DACH2: variants seen among roughly 807,000 people sequenced by gnomAD.
DACH2 encodes dachshund homolog 2.
In DACH2, 17 loss-of-function variants were observed where a neutral mutation model predicts 35.8. The ratio of observed to expected loss-of-function variants is 0.48; its 90% CI spans 0.33 to 0.71. The LOEUF is 0.71. Among genes scored for constraint, DACH2 ranks in the 30% least tolerant of loss-of-function variants. DACH2 has a pLI of 0.02. For missense variants in DACH2, 469 were observed against 472.7 expected, an observed-to-expected ratio of 0.99 and a Z score of 0.07; for synonymous variants, 195 against 177.3, an observed-to-expected ratio of 1.10 and a Z score of -0.79.
At chrX:86,384,021 T>C (rs2036087423) in intron 2 of DACH2, among the ~76,000 whole-genome samples, 1 of 111,391 alleles carries the variant, frequency 9.0e-6, no homozygotes, top group Non-Finnish European at 1.9e-5. Flanking sequence ...AGGATACTTA[T>C]CTGAATGTTC....
At position 86,272,064 on chromosome X, in the gene DACH2, T is replaced by G. The variant is rs911639775; in HGVS notation, c.489-104760T>G. The stretch of plus-strand genomic sequence containing the variant: ...TGTTTACACATTATTTAGCTCTCAC[T>G]TATGTGAGAACATGTGGTATTTGAC... On this transcript the variant is annotated intron_variant, in intron 1 of 11. Transcript: ENST00000373125. Among the ~76,000 whole-genome samples the G allele has an allele frequency of 5.4e-5, 6 of 111,715 alleles. No individual in the cohort carries two copies. The East Asian group carries it at 1.4e-3, about 26-fold the overall frequency.
intron 3 of DACH2, among the ~76,000 whole-genome samples, chrX:86,526,692 A>C (rs2038638182): frequency 1.8e-5 from 2 of 110,623 alleles, no homozygotes; most frequent in African/African-American, 3.3e-5. Context: ...CTTTTAATGT[A>C]TACCTGAAAG....
intron 5 of DACH2, among the ~76,000 whole-genome samples, chrX:86,711,142 G>A (rs922825485): frequency 1.8e-5 from 2 of 111,900 alleles, no homozygotes; most frequent in Admixed American, 9.5e-5. Context: ...TTGGGAGACC[G>A]AGGCAGGCAG....
intron 2 of DACH2, among the ~76,000 whole-genome samples, chrX:86,385,781 T>G (rs1002739584): frequency 1.8e-5 from 2 of 111,937 alleles, no homozygotes; most frequent in African/African-American, 6.5e-5. Context: ...ATTTTGGAAC[T>G]AAATTAGATA....
intron 4 of DACH2, among the ~76,000 whole-genome samples, chrX:86,687,985 TA>T (rs1341996771): frequency 9.0e-6 from 1 of 110,577 alleles, no homozygotes; most frequent in Non-Finnish European, 1.9e-5. Flanking sequence ...GGCAAGTGTA[TA>T]CCTATGTAAC....
At chrX:86,740,898 T>C (rs1016730277) in intron 7 of DACH2, among the ~76,000 whole-genome samples, 8 of 111,350 alleles carry the variant, frequency 7.2e-5, no homozygotes, top group African/African-American at 2.6e-4. Flanking sequence ...TTTCCTTCTA[T>C]ATAATTCTAC....
chrX:86,777,803 C>A (rs757552393), intron 7 of DACH2, among the ~76,000 whole-genome samples: 1 of 111,356 alleles, frequency 9.0e-6, no homozygotes, highest in South Asian at 3.7e-4. Flanking sequence ...ATTCCTTTGA[C>A]TGTATAAACT....
chrX:86,380,677 T>C (rs1192209724), intron 2 of DACH2, among the ~76,000 whole-genome samples: 12 of 110,494 alleles, frequency 1.1e-4, no homozygotes, highest in African/African-American at 3.6e-4. Context: ...ACATTAATAT[T>C]ATGACTAACA....
chrX:86,670,560 C>A (rs2040752818), intron 4 of DACH2, among the ~76,000 whole-genome samples: 1 of 111,773 alleles, frequency 8.9e-6, no homozygotes, highest in South Asian at 3.7e-4. Context: ...TAATGCTGTT[C>A]CCAACCTAAG....
At chrX:86,652,704 T>C (rs1420178801) in intron 4 of DACH2, among the ~76,000 whole-genome samples, 1 of 112,305 alleles carries the variant, frequency 8.9e-6, no homozygotes, top group Admixed American at 9.4e-5. Flanking sequence ...TCAATGGTGT[T>C]GAGCTTTTTT....
chrX:86,509,172 G>C (rs908213924), intron 2 of DACH2, among the ~76,000 whole-genome samples: 6 of 111,105 alleles, frequency 5.4e-5, no homozygotes, highest in Non-Finnish European at 7.5e-5. Context: ...GCTTAAGTTT[G>C]GGATATGCGT....
At chrX:86,765,477 A>G (rs1049516080) in intron 7 of DACH2, among the ~76,000 whole-genome samples, 2 of 110,816 alleles carry the variant, frequency 1.8e-5, no homozygotes, top group Non-Finnish European at 3.8e-5. Flanking sequence ...AGCACCATTT[A>G]TTGAATAGGG....
chrX:86,693,837 T>C (rs912852860), intron 4 of DACH2, among the ~76,000 whole-genome samples: 1 of 111,785 alleles, frequency 8.9e-6, no homozygotes, highest in Non-Finnish European at 1.9e-5. Flanking sequence ...CAGTGTTTGA[T>C]AGTCATTACA....
chrX:86,160,680 T>A (rs1354188380), intron 1 of DACH2: 2 of 491,983 alleles, frequency 4.1e-6, no homozygotes, highest in Non-Finnish European at 7.3e-6. Flanking sequence ...ACAGACACAT[T>A]CTTGATATTG....
chrX:86,391,922 AT>A (rs761424791), intron 2 of DACH2, among the ~76,000 whole-genome samples: 1 of 110,789 alleles, frequency 9.0e-6, no homozygotes. Flanking sequence ...ATGGAACATG[AT>A]TTTTTTTGCA....
At chrX:86,336,743 G>T (rs905242957) in intron 1 of DACH2, among the ~76,000 whole-genome samples, 1 of 110,582 alleles carries the variant, frequency 9.0e-6, no homozygotes, top group Non-Finnish European at 1.9e-5. Flanking sequence ...ATAGACAGAA[G>T]TAGGCTTCAG....
At chrX:86,269,952 A>G (rs969948567) in intron 1 of DACH2, among the ~76,000 whole-genome samples, 8 of 106,946 alleles carry the variant, frequency 7.5e-5, no homozygotes, top group African/African-American at 2.4e-4. Context: ...ATATAAAACA[A>G]TTCTTCACCC....
intron 7 of DACH2, among the ~76,000 whole-genome samples, chrX:86,759,939 A>G (rs1437868985): frequency 1.8e-5 from 2 of 111,971 alleles, no homozygotes; most frequent in African/African-American, 6.5e-5. Context: ...TTTAGCTGGG[A>G]AAAAATTATT....
intron 2 of DACH2, among the ~76,000 whole-genome samples, chrX:86,396,857 G>C (rs2036305238): frequency 9.0e-6 from 1 of 110,778 alleles, no homozygotes; most frequent in South Asian, 3.8e-4. Flanking sequence ...GCTTAGGATT[G>C]ACTTGGCAAT....
Sources: gnomAD v4.1 joint callset for allele counts (sites outside exome capture counted in the v4.1 genomes callset) on GRCh38, gnomAD v4.1.1 for gene constraint, MANE v1.5 for transcripts, NCBI Gene and HGNC (gene_info 2026-07-23, HGNC 2026-07-21) for gene names.